The following ZNF600 variants were observed in gnomAD, a reference collection of about 807,000 sequenced individuals.
ZNF600 encodes zinc finger protein KR-ZNF1.
Under a neutral mutation model 7.3 loss-of-function variants are expected in ZNF600, and 4 were observed. The ratio of observed to expected loss-of-function variants is 0.55; its 90% confidence interval spans 0.27 to 1.25. The LOEUF is 1.25. Ranked by LOEUF, ZNF600 falls within the 50% of genes most tolerant of loss-of-function variation. The pLI is 0.12. For missense variants in ZNF600, 911 were observed against 922.1 expected (o/e 0.99, Z 0.16); for synonymous variants, 290 against 308.9 (o/e 0.94, Z 0.64).
chr19:52,797,697 G>A, the ZNF600 span: 1 of 153,924 alleles, frequency 6.5e-6, no homozygotes, highest in Non-Finnish European at 1.5e-5. Context: ...TGATCAAAAT[G>A]ATTAAAAACA....
chr19:52,782,175 C>A (rs1037272116), intron 1 of ZNF600, among the ~76,000 whole-genome samples: 13 of 151,868 alleles, frequency 8.6e-5, no homozygotes, highest in South Asian at 8.3e-4. Flanking sequence ...CTGCACTGAG[C>A]TGTGATCCTG....
At chr19:52,821,258 G>A in the ZNF600 span, among the ~76,000 whole-genome samples, 1 of 152,144 alleles carries the variant, frequency 6.6e-6, no homozygotes, top group African/African-American at 2.4e-5. Context: ...AGGCTGGGAG[G>A]CGCACAGGGT....
chr19:52,810,732 A>G, the ZNF600 span: 1 of 701,900 alleles, frequency 1.4e-6, no homozygotes, highest in Non-Finnish European at 2.5e-6. Context: ...TAGGAGAGAG[A>G]GGAAAAAAAG....
chr19:52,827,921 G>C, the ZNF600 span, among the ~76,000 whole-genome samples: 9 of 152,100 alleles, frequency 5.9e-5, no homozygotes, highest in African/African-American at 2.2e-4. Flanking sequence ...TGTCACGCAG[G>C]ACGCTTCAGA....
At chr19:52,774,233 G>A (rs1163428562) in intron 3 of ZNF600, among the ~76,000 whole-genome samples, 4 of 151,502 alleles carry the variant, frequency 2.6e-5, no homozygotes, top group Admixed American at 6.6e-5. Flanking sequence ...AGTGAGAGAC[G>A]AGTCTGACCA....
chr19:52,782,642 G>A (rs1263677165), intron 1 of ZNF600, among the ~76,000 whole-genome samples: 3 of 152,206 alleles, frequency 2.0e-5, no homozygotes, highest in Admixed American at 2.0e-4. Context: ...GGGAGGCCGA[G>A]GCGGGTGGAT....
At chr19:52,816,100 G>A in the ZNF600 span, among the ~76,000 whole-genome samples, 1 of 147,550 alleles carries the variant, frequency 6.8e-6, no homozygotes, top group African/African-American at 2.6e-5. Context: ...CTGGAAGGAG[G>A]GTGGAGGATG....
chr19:52,822,074 C>CTTTTTTTTTTTT, the ZNF600 span, among the ~76,000 whole-genome samples: 80 of 78,684 alleles, frequency 1.0e-3, 1 homozygote, highest in African/African-American at 3.6e-3. Context: ...TTCTTTTTCC[C>CTTTTTTTTTTTT]TTTTTTTTTT....
chr19:52,809,141 G>A, the ZNF600 span, among the ~76,000 whole-genome samples: 1 of 152,190 alleles, frequency 6.6e-6, no homozygotes, highest in Non-Finnish European at 1.5e-5. Context: ...TTGGGCAGTT[G>A]CGGGCAGGGG....
chr19:52,818,613 G>C, the ZNF600 span, among the ~76,000 whole-genome samples: 26 of 152,236 alleles, frequency 1.7e-4, no homozygotes, highest in African/African-American at 6.0e-4. Context: ...AGGAGGCTGA[G>C]GTAGAATTGC....
the ZNF600 span, among the ~76,000 whole-genome samples, chr19:52,815,119 G>A: frequency 9.3e-3 from 1,329 of 142,468 alleles, 220 homozygotes; most frequent in African/African-American, 0.035. Context: ...ATATATAAAG[G>A]TTTTTAAAAT....
the ZNF600 span, chr19:52,805,370 A>G: frequency 6.6e-6 from 1 of 152,092 alleles, no homozygotes; most frequent in Non-Finnish European, 1.5e-5. Flanking sequence ...CACGCCAATA[A>G]TCCCAGCACT....
the ZNF600 span, among the ~76,000 whole-genome samples, chr19:52,792,666 G>A: frequency 2.0e-5 from 3 of 152,202 alleles, no homozygotes; most frequent in Middle Eastern, 0.01. Flanking sequence ...AAGTTGTCCC[G>A]CCTTTCCAGA....
At chr19:52,766,113 T>G (rs1600369534) in exon 4 of ZNF600, 1 of 1,614,148 alleles carries the variant, frequency 6.2e-7, no homozygotes. Flanking sequence ...CTCACCACTA[T>G]GAAGTCTACG....
chr19:52,801,591 A>G, the ZNF600 span: 1 of 1,614,186 alleles, frequency 6.2e-7, no homozygotes, highest in Non-Finnish European at 8.5e-7. Flanking sequence ...CTGGAAGCAA[A>G]AATCTCCAAT....
the ZNF600 span, among the ~76,000 whole-genome samples, chr19:52,831,503 G>GT: frequency 2.7e-5 from 4 of 149,988 alleles, no homozygotes; most frequent in African/African-American, 7.4e-5. Flanking sequence ...TTGTTTTTTT[G>GT]TTTTTTTGTT....
chr19:52,768,369 G>A (rs2062605690), intron 3 of ZNF600, among the ~76,000 whole-genome samples: 1 of 150,814 alleles, frequency 6.6e-6, no homozygotes, highest in African/African-American at 2.4e-5. Context: ...GAACCTGGGA[G>A]GCAGAGGTTG....
the ZNF600 span, among the ~76,000 whole-genome samples, chr19:52,831,511 G>T: frequency 1.4e-5 from 2 of 145,028 alleles, no homozygotes; most frequent in African/African-American, 2.6e-5. Flanking sequence ...TTGTTTTTTT[G>T]TTTTTTTTTG....
the ZNF600 span, among the ~76,000 whole-genome samples, chr19:52,819,528 G>A: frequency 1.1e-3 from 81 of 71,292 alleles, 21 homozygotes; most frequent in African/African-American, 2.8e-3. Flanking sequence ...AGTGGCCAGG[G>A]TCACTCGGGT....
Sources: gnomAD v4.1 joint callset for allele counts (sites outside exome capture counted in the v4.1 genomes callset) on GRCh38, gnomAD v4.1.1 for gene constraint, MANE v1.5 for transcripts, NCBI Gene and HGNC (gene_info 2026-07-23, HGNC 2026-07-21) for gene names.